ADAMTSL1: variants seen among roughly 807,000 people sequenced by gnomAD.
The protein encoded by ADAMTSL1 is ADAMTS-like protein 1.
In ADAMTSL1, 126 loss-of-function variants were observed where a neutral mutation model predicts 201.8. The observed-to-expected ratio is 0.62, with a 90% CI of 0.54 to 0.72. ADAMTSL1 has a LOEUF of 0.72. ADAMTSL1 is among the 30% of genes least tolerant of loss of function. The pLI, the probability that ADAMTSL1 is intolerant of heterozygous loss-of-function variation, is 0.00. For missense variants in ADAMTSL1, 2,679 were observed against 2,277.8 expected (o/e 1.18, Z -3.59); for synonymous variants, 1,121 against 903.4 (o/e 1.24, Z -4.32).
intron 2 of ADAMTSL1, among the ~76,000 whole-genome samples, chr9:18,373,266 C>G (rs1030750111): frequency 1.3e-5 from 2 of 152,136 alleles, no homozygotes; most frequent in Non-Finnish European, 2.9e-5. Flanking sequence ...AGGCTGATCA[C>G]AAGCCAAAGA....
intron 2 of ADAMTSL1, among the ~76,000 whole-genome samples, chr9:18,411,551 A>T (rs558103714): frequency 6.6e-6 from 1 of 152,298 alleles, no homozygotes; most frequent in South Asian, 2.1e-4. Flanking sequence ...CAATCAGTTC[A>T]AAATGATTAT....
intron 1 of ADAMTSL1, among the ~76,000 whole-genome samples, chr9:17,910,150 G>C (rs1825872679): frequency 1.5e-5 from 1 of 67,868 alleles, no homozygotes; most frequent in Non-Finnish European, 4.5e-5. Context: ...TTCCTCATCT[G>C]TTAAGTGAGG....
At chr9:18,623,991 T>A (rs1826198429) in intron 5 of ADAMTSL1, among the ~76,000 whole-genome samples, 1 of 152,168 alleles carries the variant, frequency 6.6e-6, no homozygotes, top group Admixed American at 6.5e-5. Flanking sequence ...GCAGTTATTC[T>A]GGTATGCAGT....
Position 18,574,841 on chromosome 9 carries a change from A to G in ADAMTSL1, c.474+575A>G, listed in dbSNP as rs73644249. Among the ~76,000 whole-genome samples the G allele has an allele frequency of 6.7e-3, 1,027 of 152,340 alleles. 14 individuals are homozygous for G. Among genetic ancestry groups the G allele is most frequent in the African/African-American group, 0.024 (987 of 41,574 alleles). On this transcript the variant is annotated intron_variant, in intron 4 of 28. Coordinates refer to ENST00000380548, the MANE Select transcript of ADAMTSL1 (RefSeq NM_001040272.6). ...ATTACAAAAAGGTTTGATTTCTGGT[A>G]TCCATCCATTCATCAATGTCTACTC...
intron 23 of ADAMTSL1, among the ~76,000 whole-genome samples, chr9:18,856,460 A>ATTT (rs398010404): frequency 0.034 from 3,852 of 111,846 alleles, 257 homozygotes; most frequent in South Asian, 0.093. Context: ...GATAAGAAGG[A>ATTT]TTTTTTTTTT....
At chr9:18,904,606 C>A (rs1230108844) in intron 26 of ADAMTSL1, among the ~76,000 whole-genome samples, 4 of 124,446 alleles carry the variant, frequency 3.2e-5, no homozygotes, top group Non-Finnish European at 4.8e-5. Context: ...TGCACTCCAG[C>A]CTGGGCAACA....
intron 2 of ADAMTSL1, among the ~76,000 whole-genome samples, chr9:18,425,132 C>T (rs2133377357): frequency 6.6e-6 from 1 of 150,970 alleles, no homozygotes; most frequent in East Asian, 1.9e-4. Context: ...AGTGTGCATT[C>T]TCTCTCTCTC....
chr9:18,417,233 C>G (rs1355783715), intron 2 of ADAMTSL1, among the ~76,000 whole-genome samples: 2 of 151,362 alleles, frequency 1.3e-5, no homozygotes, highest in African/African-American at 4.8e-5. Context: ...CCCACTAGAG[C>G]ATTACTTGAG....
At chr9:18,418,403 C>G (rs1818786619) in intron 2 of ADAMTSL1, among the ~76,000 whole-genome samples, 1 of 151,986 alleles carries the variant, frequency 6.6e-6, no homozygotes, top group Admixed American at 6.6e-5. Context: ...TTATACAGAT[C>G]AGAAAGGAAA....
At chr9:18,399,377 T>C (rs1450840203) in intron 2 of ADAMTSL1, among the ~76,000 whole-genome samples, 1 of 147,538 alleles carries the variant, frequency 6.8e-6, no homozygotes, top group Admixed American at 6.8e-5. Flanking sequence ...TCTTGCTCTG[T>C]CACCCAGACT....
At chr9:18,508,049 G>A (rs555194953) in intron 2 of ADAMTSL1, among the ~76,000 whole-genome samples, 1 of 152,128 alleles carries the variant, frequency 6.6e-6, no homozygotes, top group African/African-American at 2.4e-5. Flanking sequence ...GCTGGGCGTG[G>A]TAGCGGGTGC....
At chr9:18,432,104 C>G (rs1819518697) in intron 2 of ADAMTSL1, among the ~76,000 whole-genome samples, 1 of 152,170 alleles carries the variant, frequency 6.6e-6, no homozygotes, top group African/African-American at 2.4e-5. Context: ...AGCTCATTAA[C>G]TTTGGTCTGT....
chr9:18,729,697 C>T (rs1818102264), intron 15 of ADAMTSL1, among the ~76,000 whole-genome samples: 1 of 152,154 alleles, frequency 6.6e-6, no homozygotes, highest in Admixed American at 6.5e-5. Flanking sequence ...CAGTAATGAA[C>T]AAGACCCACT....
chr9:18,460,253 A>G (rs1820758557), intron 2 of ADAMTSL1, among the ~76,000 whole-genome samples: 1 of 152,204 alleles, frequency 6.6e-6, no homozygotes, highest in Non-Finnish European at 1.5e-5. Context: ...AGTTTTTCAA[A>G]ATAGTAAATA....
intron 3 of ADAMTSL1, among the ~76,000 whole-genome samples, chr9:18,537,502 A>C (rs983878600): frequency 6.6e-6 from 1 of 152,192 alleles, no homozygotes; most frequent in Non-Finnish European, 1.5e-5. Context: ...GAAAAAATCA[A>C]AACCAGAGGT....
chr9:18,225,805 T>A (rs180932824), intron 2 of ADAMTSL1, among the ~76,000 whole-genome samples: 2 of 152,266 alleles, frequency 1.3e-5, no homozygotes, highest in Admixed American at 1.3e-4. Context: ...AATTATTGTT[T>A]CATATACTCT....
intron 1 of ADAMTSL1, among the ~76,000 whole-genome samples, chr9:18,162,761 A>G (rs1316250656): frequency 6.6e-6 from 1 of 152,034 alleles, no homozygotes; most frequent in African/African-American, 2.4e-5. Context: ...AAAATGCAAA[A>G]TGTATGAGAG....
chr9:18,346,282 C>A (rs569535293), intron 2 of ADAMTSL1, among the ~76,000 whole-genome samples: 12 of 151,964 alleles, frequency 7.9e-5, no homozygotes, highest in African/African-American at 2.9e-4. Context: ...TATAGCCAGC[C>A]TCTTGGGCAT....
intron 1 of ADAMTSL1, among the ~76,000 whole-genome samples, chr9:18,102,760 A>G (rs1227038347): frequency 6.6e-6 from 1 of 152,202 alleles, no homozygotes; most frequent in Admixed American, 6.5e-5. Context: ...TAGTCTAGAA[A>G]GCTTATAGCG....
Sources: allele counts gnomAD v4.1 joint callset (sites outside exome capture counted in the v4.1 genomes callset), GRCh38; gene constraint gnomAD v4.1.1; transcripts MANE v1.5; gene names NCBI Gene and HGNC (gene_info 2026-07-23, HGNC 2026-07-21).